The following ZNF560 variants were observed in gnomAD, a reference collection of about 807,000 sequenced individuals.
ZNF560 encodes the protein zinc finger protein 560.
ZNF560 carries 54 observed loss-of-function variants against 81.8 expected under a neutral mutation model. That is an observed-to-expected ratio of 0.66 (90% CI 0.53 to 0.83). The LOEUF (loss-of-function observed/expected upper bound fraction) is 0.83, where lower values mean the gene tolerates loss of function less well. Among genes scored for constraint, ZNF560 ranks in the 40% least tolerant of loss-of-function variants. The pLI is 0.00. For synonymous variants in ZNF560, 321 were observed against 317.9 expected (o/e 1.01, Z -0.10); for missense variants, 940 against 932.4 (o/e 1.01, Z -0.11).
the ZNF560 span, among the ~76,000 whole-genome samples, chr19:9,449,163 A>G: frequency 6.6e-6 from 1 of 152,214 alleles, no homozygotes; most frequent in South Asian, 2.1e-4. Flanking sequence ...ATAGATATCC[A>G]CAGAACATTC....
intron 2 of ZNF560, among the ~76,000 whole-genome samples, chr19:9,485,987 G>A (rs1265933514): frequency 6.6e-6 from 1 of 152,156 alleles, no homozygotes; most frequent in Non-Finnish European, 1.5e-5. Context: ...GAGCTGGCAG[G>A]GGCAGGGAGC....
At chr19:9,450,797 T>G in the ZNF560 span, among the ~76,000 whole-genome samples, 1 of 152,190 alleles carries the variant, frequency 6.6e-6, no homozygotes, top group Non-Finnish European at 1.5e-5. Flanking sequence ...CCCAAAGTGC[T>G]GGGATTACAG....
chr19:9,475,513 C>T, intron 2 of ZNF560, 144 bp from the exon 3 acceptor site: 1 of 582,730 alleles, frequency 1.7e-6, no homozygotes, highest in Non-Finnish European at 3.0e-6. Context: ...TAAAATGCCA[C>T]TGCACTTCTG....
chr19:9,452,453 A>G, the ZNF560 span, among the ~76,000 whole-genome samples: 1 of 152,234 alleles, frequency 6.6e-6, no homozygotes, highest in Non-Finnish European at 1.5e-5. Flanking sequence ...ATACACTCAT[A>G]TATTCATCAC....
chr19:9,467,445 G>A lies in ZNF560; in HGVS notation c.1502C>T (p.Ser501Leu). 6.2e-7 allele frequency: 1 copy of A among 1,614,058 alleles called. No individual in the cohort carries two copies. Among genetic ancestry groups the A allele is most frequent in the South Asian group, 1.1e-5 (1 of 91,072 alleles). Residue 501 changes from serine to leucine, a missense_variant, in exon 10 of 10, where the codon TCA becomes TTA. By Grantham distance (145) the Ser-to-Leu change is moderately radical. Transcript: ENST00000301480. The stretch of plus-strand genomic sequence containing the variant: ...AGTTCTCAAATGAGCAAAAAGAGAT[G>A]AGAAAGAAACAAAGACTTTCCCACA... ...DQCGKVFVSFSSLFAHLRTHT... is the reference protein window; with the variant it reads ...DQCGKVFVSFLSLFAHLRTHT...
intron 2 of ZNF560, among the ~76,000 whole-genome samples, chr19:9,485,762 C>A (rs1399637060): frequency 6.6e-6 from 1 of 152,024 alleles, no homozygotes; most frequent in African/African-American, 2.4e-5. Context: ...TCTTGAACTC[C>A]TGGCCTCAAG....
At chr19:9,447,477 C>T in the ZNF560 span, among the ~76,000 whole-genome samples, 1 of 152,092 alleles carries the variant, frequency 6.6e-6, no homozygotes, top group African/African-American at 2.4e-5. Context: ...TGAAAATCAA[C>T]ACAAACATAA....
upstream of ZNF560, among the ~76,000 whole-genome samples, chr19:9,499,645 T>C (rs913087402): frequency 6.6e-6 from 1 of 152,234 alleles, no homozygotes; most frequent in African/African-American, 2.4e-5. Flanking sequence ...AAGAAAGGAC[T>C]GTTGGACTTG....
chr19:9,485,012 A>G (rs1357287730), intron 2 of ZNF560, among the ~76,000 whole-genome samples: 2 of 152,190 alleles, frequency 1.3e-5, no homozygotes, highest in African/African-American at 2.4e-5. Flanking sequence ...AAATTTCTAG[A>G]CACACACAAC....
intron 2 of ZNF560, among the ~76,000 whole-genome samples, chr19:9,476,072 AG>A (rs2073197447): frequency 6.6e-6 from 1 of 152,138 alleles, no homozygotes; most frequent in Non-Finnish European, 1.5e-5. Context: ...AGGAACTACT[AG>A]TGTGAATACT....
At chr19:9,500,272 CT>C (rs1203944142), upstream of ZNF560, among the ~76,000 whole-genome samples, 1 of 151,614 alleles carries the variant, frequency 6.6e-6, no homozygotes, top group African/African-American at 2.4e-5. Flanking sequence ...GTAATCCCAG[CT>C]ACTCGGGAGG....
the ZNF560 span, among the ~76,000 whole-genome samples, chr19:9,454,041 C>T: frequency 6.6e-6 from 1 of 152,224 alleles, no homozygotes; most frequent in Non-Finnish European, 1.5e-5. Flanking sequence ...AGAATAAGCT[C>T]AAGGAACACC....
intron 9 of ZNF560, among the ~76,000 whole-genome samples, chr19:9,468,642 G>A (rs557043851): frequency 6.6e-6 from 1 of 152,000 alleles, no homozygotes; most frequent in Non-Finnish European, 1.5e-5. Context: ...CACAAGGTAT[G>A]GGATCTCTCT....
At chr19:9,459,103 T>C in the ZNF560 span, among the ~76,000 whole-genome samples, 5 of 152,328 alleles carry the variant, frequency 3.3e-5, no homozygotes, top group Middle Eastern at 3.4e-3. Flanking sequence ...ATATGGAATA[T>C]TGAAGACATT....
At chr19:9,481,015 G>GA (rs1395454083) in intron 2 of ZNF560, among the ~76,000 whole-genome samples, 1 of 150,786 alleles carries the variant, frequency 6.6e-6, no homozygotes, top group African/African-American at 2.4e-5. Context: ...GCCCAGGAGA[G>GA]AGAGGCTGCA....
At chr19:9,455,881 C>A in the ZNF560 span, among the ~76,000 whole-genome samples, 1 of 152,022 alleles carries the variant, frequency 6.6e-6, no homozygotes, top group Non-Finnish European at 1.5e-5. Context: ...TTTCCTGAAG[C>A]TTGTTTCAAC....
Position 9,466,433 on chromosome 19 carries a change from TAGAA to T in ZNF560, c.*137_*140del. On this transcript the variant is annotated 3_prime_UTR_variant, in exon 10 of 10. Coordinates refer to ENST00000301480, the MANE Select transcript of ZNF560 (RefSeq NM_152476.3). ...TCTACAGTGTGAGTTTGTACATATC[TAGAA>T]AGATTCAACTGTTCAGGCTTTCTCA... 1.4e-6 allele frequency: 1 copy of T among 733,314 alleles called. No individual in the cohort carries two copies. Among genetic ancestry groups the T allele is most frequent in the Non-Finnish European group, 2.2e-6 (1 of 451,724 alleles). 45.4% of individuals were successfully genotyped at this position (733,314 alleles called of 1,614,324 possible).
intron 2 of ZNF560, among the ~76,000 whole-genome samples, chr19:9,497,579 G>A (rs1259788174): frequency 6.7e-6 from 1 of 148,976 alleles, no homozygotes; most frequent in Non-Finnish European, 1.5e-5. Flanking sequence ...TCTCTGCAAT[G>A]AATTTCCCAT....
chr19:9,485,825 C>A (rs1017985290), intron 2 of ZNF560, among the ~76,000 whole-genome samples: 3 of 152,158 alleles, frequency 2.0e-5, no homozygotes, highest in Non-Finnish European at 2.9e-5. Context: ...CATGAGCCAC[C>A]ATGCCCAGCC....
Sources: gnomAD v4.1 joint callset for allele counts (sites outside exome capture counted in the v4.1 genomes callset) on GRCh38, gnomAD v4.1.1 for gene constraint, MANE v1.5 for transcripts, NCBI Gene and HGNC (gene_info 2026-07-23, HGNC 2026-07-21) for gene names.